Variants in SMC3 observed in about 807,000 individuals in gnomAD.
SMC3 encodes the protein structural maintenance of chromosomes protein 3.
SMC3 carries 20 observed loss-of-function variants against 171.8 expected under a neutral mutation model. The observed-to-expected ratio is 0.12, with a 90% CI of 0.08 to 0.17. The LOEUF is 0.17. Among genes scored for constraint, SMC3 ranks in the 10% least tolerant of loss-of-function variants. The probability of loss-of-function intolerance (pLI) is 1.00; values close to 1 mark genes in which losing one functional copy is unlikely to be tolerated. For missense variants in SMC3, 543 were observed against 1,420.4 expected (o/e 0.38, Z 9.93); for synonymous variants, 464 against 451.1 (o/e 1.03, Z -0.36).
rs764697959 is a variant in SMC3 at position 110,602,815 on chromosome 10, T to A, written c.3298-10T>A. On this transcript the variant is annotated splice_polypyrimidine_tract_variant and intron_variant, in intron 26 of 28. Transcript: ENST00000361804. ...TTTAGGATATTAACTCATAATATGT[T>A]TATTTTTAGGTGTCATTTACAGGAA... The A allele has an allele frequency of 5.1e-5, 83 of 1,613,158 alleles. No homozygotes were observed. Among genetic ancestry groups the A allele is most frequent in the Non-Finnish European group, 7.0e-5 (82 of 1,179,150 alleles).
At position 110,580,993 on chromosome 10, in the gene SMC3, A is replaced by G; in HGVS notation, c.519A>G (p.Glu173=). ...AGTRVYDERK[E]ESISLMKETE... is the part of the protein sequence containing the mutation. ...CTAGAGTGTATGACGAACGAAAGGA[A>G]GAAAGCATCTCCTTAATGAAAGAAA... Residue 173 remains glutamate, a synonymous_variant, in exon 8 of 29, where the codon GAA becomes GAG. Coordinates refer to ENST00000361804, the MANE Select transcript of SMC3 (RefSeq NM_005445.4). The G allele has an allele frequency of 6.3e-7, 1 of 1,588,944 alleles. No homozygotes were observed.
intron 10 of SMC3, among the ~76,000 whole-genome samples, chr10:110,582,955 A>G (rs1861055064): frequency 7.0e-6 from 1 of 143,458 alleles, no homozygotes; most frequent in Non-Finnish European, 1.5e-5. Flanking sequence ...TTTGGAAGAC[A>G]GGGTCTCACT....
chr10:110,595,226 T>TGCCC, intron 18 of SMC3, among the ~76,000 whole-genome samples: 1 of 152,168 alleles, frequency 6.6e-6, no homozygotes, highest in African/African-American at 2.4e-5. Context: ...GTGATCTGCC[T>TGCCC]GCCTCAACCT....
Position 110,591,151 on chromosome 10 carries a change from A to C in SMC3, c.1812+19A>C. The C allele has an allele frequency of 6.2e-7, 1 of 1,610,988 alleles. No homozygotes were observed. The highest frequency in any genetic ancestry group is 1.7e-5 in the Admixed American group (1 of 60,022). ...AACCAATGTGAGTCATTGTGTGATAAGGTGTATTTCTCTTTTATAATGTTA... is the reference window on the plus strand; with the variant it reads ...AACCAATGTGAGTCATTGTGTGATACGGTGTATTTCTCTTTTATAATGTTA... On this transcript the variant is annotated intron_variant, in intron 17 of 28. Transcript: ENST00000361804.
intron 24 of SMC3, 26 bp from the exon 25 acceptor site, chr10:110,601,940 T>C (rs1590571005): frequency 1.2e-6 from 2 of 1,607,846 alleles, no homozygotes; most frequent in Non-Finnish European, 1.7e-6. Context: ...AATTTATTTA[T>C]ATGAATACAT....
chr10:110,596,351 T>C, intron 18 of SMC3, 47 bp from the exon 19 acceptor site: 1 of 1,528,742 alleles, frequency 6.5e-7, no homozygotes, highest in Non-Finnish European at 8.9e-7. Flanking sequence ...CAATTTATCA[T>C]TGAATAAAAA....
At chr10:110,600,646 G>A in intron 22 of SMC3, 100 bp downstream of exon 22, 1 of 740,480 alleles carries the variant, frequency 1.4e-6, no homozygotes, top group Non-Finnish European at 2.4e-6. Flanking sequence ...CATGGGCTTT[G>A]GGGACAGAAA....
intron 18 of SMC3, among the ~76,000 whole-genome samples, chr10:110,595,917 C>CTTTTTTT (rs10639343): frequency 1.1e-4 from 11 of 101,588 alleles, no homozygotes; most frequent in East Asian, 2.6e-4. Flanking sequence ...ACTGGAGGTT[C>CTTTTTTT]TTTTTTTTTT....
chr10:110,599,517 AC>A (rs1351037126), intron 20 of SMC3, 136 bp from the exon 21 acceptor site: 1 of 705,434 alleles, frequency 1.4e-6, no homozygotes, highest in Non-Finnish European at 2.3e-6. Flanking sequence ...AGTCCTAATT[AC>A]CAAATTAATA....
intron 13 of SMC3, 86 bp downstream of exon 13, chr10:110,584,482 A>G (rs981242494): frequency 7.8e-6 from 7 of 897,270 alleles, no homozygotes; most frequent in Non-Finnish European, 1.3e-5. Context: ...TTCTTTTTAA[A>G]TAAGTCTACA....
rs11195198 is a variant in SMC3, at chr10:110,581,777, T to A, written c.548-146T>A. On this transcript the variant is annotated intron_variant, in intron 8 of 28. Transcript: ENST00000361804. ...TGGCATAAATGGGTTAATTGCTATT[T>A]TAGTATTTTAAATTGGGTTACCACA... 215 of 827,168 alleles carry A rather than the reference T, an allele frequency of 2.6e-4. 2 individuals are homozygous for A. The highest frequency in any genetic ancestry group is 5.9e-5 in the Non-Finnish European group (31 of 528,978). The allele number at this position is 827,168 out of a possible 1,614,324, so 51.2% of individuals were successfully genotyped here. A position where few individuals can be genotyped will look rare whatever the true frequency, so the allele number is the denominator to read the frequency against.
chr10:110,587,437 T>G (rs1861138475), intron 13 of SMC3, among the ~76,000 whole-genome samples: 1 of 152,164 alleles, frequency 6.6e-6, no homozygotes, highest in Non-Finnish European at 1.5e-5. Context: ...ATCCCAGCAC[T>G]TTGGGAGGCC....
At chr10:110,603,075 AAATC>A in intron 27 of SMC3, 73 bp downstream of exon 27, 2 of 1,572,816 alleles carry the variant, frequency 1.3e-6, no homozygotes, top group Middle Eastern at 1.7e-4. Flanking sequence ...ATATATGAAA[AAATC>A]AAACTCAGGC....
chr10:110,603,669 A>C (rs1348335273), intron 28 of SMC3, among the ~76,000 whole-genome samples: 1 of 152,218 alleles, frequency 6.6e-6, no homozygotes, highest in East Asian at 1.9e-4. Flanking sequence ...GGTAGTTTAG[A>C]TGTTTAGGCA....
intron 13 of SMC3, among the ~76,000 whole-genome samples, chr10:110,585,290 A>AT (rs111694406): frequency 0.011 from 1,416 of 123,644 alleles, 19 homozygotes; most frequent in African/African-American, 0.029. Flanking sequence ...GATAGTAACA[A>AT]TTTTTTTTTT....
chr10:110,583,755 GA>G, intron 11 of SMC3, 85 bp from the exon 12 acceptor site: 2 of 1,484,456 alleles, frequency 1.3e-6, no homozygotes, highest in Non-Finnish European at 1.9e-6. Flanking sequence ...GTTTTCTCAT[GA>G]AGTTTTTTTC....
At chr10:110,567,868 G>C (rs749268683) in intron 1 of SMC3, 37 bp downstream of exon 1, 1 of 1,612,240 alleles carries the variant, frequency 6.2e-7, no homozygotes, top group South Asian at 1.1e-5. Flanking sequence ...GTCATGGGCC[G>C]GTAAGGGCCG....
At chr10:110,583,684 T>TA in intron 11 of SMC3, 136 bp downstream of exon 11, 1 of 1,192,828 alleles carries the variant, frequency 8.4e-7, no homozygotes, top group South Asian at 1.3e-5. Context: ...TGTACTCAAG[T>TA]AACAACTTGG....
At position 110,593,131 on chromosome 10, in the gene SMC3, A is replaced by C; in HGVS notation, c.1871A>C (p.Lys624Thr). 6.2e-7 allele frequency: 1 copy of C among 1,614,120 alleles called. No individual in the cohort carries two copies. Among genetic ancestry groups the C allele is most frequent in the Non-Finnish European group, 8.5e-7 (1 of 1,179,940 alleles). ...AATCCCAGATTTGACAAAGCTTTCA[A>C]ACATGTGTTTGGAAAGACTCTTATT... The part of the protein sequence containing the change: ...RYNPRFDKAF[K>T]HVFGKTLICR... The change falls in exon 18 of 29, where the codon AAA (lysine) becomes ACA (threonine). Residue 624 changes from lysine to threonine, a missense_variant. Around this residue, in one of 8 missense-constraint regions of SMC3, gnomAD observed 218 missense variants for 509.6 expected, o/e 0.43. Transcript: ENST00000361804.
Sources: allele counts gnomAD v4.1 joint callset (sites outside exome capture counted in the v4.1 genomes callset), GRCh38; gene constraint gnomAD v4.1.1; regional missense constraint gnomAD v4.1.1; transcripts MANE v1.5; gene names NCBI Gene and HGNC (gene_info 2026-07-23, HGNC 2026-07-21).